Variants in TENM3 observed in about 807,000 individuals in gnomAD.
TENM3 encodes the protein teneurin-3.
Under a neutral mutation model 255.1 loss-of-function variants are expected in TENM3, and 63 were observed. The observed-to-expected ratio is 0.25, with a 90% confidence interval of 0.20 to 0.30. TENM3 has a LOEUF of 0.30. Ranked by LOEUF, TENM3 falls within the 10% of genes least tolerant of loss-of-function variation. TENM3 has a pLI of 1.00. For synonymous variants in TENM3, 1,306 were observed against 1,322.3 expected (o/e 0.99, Z 0.27); for missense variants, 2,929 against 3,461.1 (o/e 0.85, Z 3.86).
chr4:182,356,758 G>A (rs913705990), intron 3 of TENM3, among the ~76,000 whole-genome samples: 6 of 151,504 alleles, frequency 4.0e-5, no homozygotes, highest in African/African-American at 1.5e-4. Context: ...GGGTACATGT[G>A]CACAATGTGC....
the TENM3 span, among the ~76,000 whole-genome samples, chr4:181,702,625 C>A: frequency 6.6e-6 from 1 of 152,152 alleles, no homozygotes; most frequent in Non-Finnish European, 1.5e-5. Flanking sequence ...TCTGAAGAAG[C>A]ATTTTCACAA....
At chr4:181,544,226 TATA>T in the TENM3 span, among the ~76,000 whole-genome samples, 1 of 151,940 alleles carries the variant, frequency 6.6e-6, no homozygotes, top group Admixed American at 6.6e-5. Context: ...ATATCTATTC[TATA>T]ATAATAAATT....
chr4:182,245,865 T>A (rs1757605153), intron 1 of TENM3, among the ~76,000 whole-genome samples: 1 of 152,206 alleles, frequency 6.6e-6, no homozygotes, highest in South Asian at 2.1e-4. Context: ...CTTCAGTGAT[T>A]TTACAGATTT....
chr4:181,614,951 G>A, the TENM3 span, among the ~76,000 whole-genome samples: 1 of 152,130 alleles, frequency 6.6e-6, no homozygotes, highest in South Asian at 2.1e-4. Context: ...CTTGTAGAGT[G>A]AATCAGACTC....
At chr4:181,875,983 T>A in the TENM3 span, among the ~76,000 whole-genome samples, 1 of 152,246 alleles carries the variant, frequency 6.6e-6, no homozygotes, top group Non-Finnish European at 1.5e-5. Flanking sequence ...AAATGTGGTA[T>A]CTTTGGCCAT....
chr4:181,455,928 A>G, the TENM3 span, among the ~76,000 whole-genome samples: 179 of 152,046 alleles, frequency 1.2e-3, no homozygotes, highest in Non-Finnish European at 1.8e-3. Context: ...TTCTCACACT[A>G]CGGTGGGAAG....
chr4:182,244,518 G>A (rs1461307630), intron 1 of TENM3, among the ~76,000 whole-genome samples: 1 of 152,050 alleles, frequency 6.6e-6, no homozygotes, highest in Non-Finnish European at 1.5e-5. Context: ...CAGCCTCCAG[G>A]GTAGCTAATG....
At chr4:182,271,149 T>G (rs1392640947) in intron 1 of TENM3, among the ~76,000 whole-genome samples, 1 of 152,184 alleles carries the variant, frequency 6.6e-6, no homozygotes, top group East Asian at 1.9e-4. Flanking sequence ...TCTTGAGGGC[T>G]CTTAGTGTTT....
the TENM3 span, among the ~76,000 whole-genome samples, chr4:181,761,380 G>A: frequency 6.6e-6 from 1 of 151,998 alleles, no homozygotes; most frequent in Non-Finnish European, 1.5e-5. Flanking sequence ...CAGCTACTTA[G>A]GTCACTTATT....
chr4:182,527,482 T>C (rs1262915629), intron 3 of TENM3, among the ~76,000 whole-genome samples: 1 of 103,516 alleles, frequency 9.7e-6, no homozygotes, highest in Non-Finnish European at 2.4e-5. Flanking sequence ...GGAACTATTA[T>C]CTGTTGGTTT....
the TENM3 span, among the ~76,000 whole-genome samples, chr4:181,984,789 C>CGTGTGTGTGTGTGT: frequency 7.2e-6 from 1 of 138,496 alleles, no homozygotes; most frequent in African/African-American, 2.7e-5. Context: ...CTAAAAGAGT[C>CGTGTGTGTGTGTGT]GTGTGTGTGT....
chr4:181,801,881 G>C, the TENM3 span, among the ~76,000 whole-genome samples: 1 of 151,874 alleles, frequency 6.6e-6, no homozygotes, highest in Non-Finnish European at 1.5e-5. Flanking sequence ...TTAGAGGCAA[G>C]TCACCATTCT....
the TENM3 span, among the ~76,000 whole-genome samples, chr4:181,622,088 A>C: frequency 6.6e-6 from 1 of 152,214 alleles, no homozygotes; most frequent in Admixed American, 6.5e-5. Context: ...AATGTTAGAC[A>C]CAGGATTAAT....
chr4:181,992,809 C>T, the TENM3 span, among the ~76,000 whole-genome samples: 1 of 152,044 alleles, frequency 6.6e-6, no homozygotes, highest in Non-Finnish European at 1.5e-5. Flanking sequence ...GAAATGCAAA[C>T]CTGTTTTTTA....
In TENM3 at chr4:182,161,376, A is replaced by G. The variant is rs1470740555; in HGVS notation, c.-76+16622A>G. On this transcript the variant is annotated intron_variant, in intron 1 of 2. Coordinates refer to the TENM3 transcript ENST00000512480. ...GCTTGCAGTGAGCCGAGATCGCGCCACTGCACTCCAGCCTGGGCGACAGAG... is the reference window on the plus strand; with the variant it reads ...GCTTGCAGTGAGCCGAGATCGCGCCGCTGCACTCCAGCCTGGGCGACAGAG... Among the ~76,000 whole-genome samples, 7 of 112,642 alleles carry G rather than the reference A, an allele frequency of 6.2e-5. 2 individuals carry two copies. Among genetic ancestry groups the G allele is most frequent in the African/African-American group, 1.7e-4 (5 of 29,204 alleles). 73.9% of individuals were successfully genotyped at this position (112,642 alleles called of 152,430 possible).
chr4:181,744,726 G>A, the TENM3 span, among the ~76,000 whole-genome samples: 3 of 152,174 alleles, frequency 2.0e-5, no homozygotes, highest in African/African-American at 7.2e-5. Flanking sequence ...CATTCCAAAT[G>A]TATTTTGAAA....
At chr4:182,404,484 C>G (rs965719566) in intron 3 of TENM3, among the ~76,000 whole-genome samples, 1 of 152,192 alleles carries the variant, frequency 6.6e-6, no homozygotes, top group Non-Finnish European at 1.5e-5. Context: ...CACGATGTAA[C>G]TCTTTTTATG....
the TENM3 span, among the ~76,000 whole-genome samples, chr4:181,644,514 G>A: frequency 2.0e-5 from 3 of 151,724 alleles, no homozygotes; most frequent in African/African-American, 7.3e-5. Context: ...CCATGCTTCT[G>A]CAATCTTGTC....
chr4:182,402,663 A>T (rs1469603310), intron 3 of TENM3, among the ~76,000 whole-genome samples: 3 of 152,144 alleles, frequency 2.0e-5, no homozygotes, highest in Admixed American at 6.5e-5. Flanking sequence ...TTATGTGGGT[A>T]AAGCTTCCTG....
Sources: gnomAD v4.1 joint callset for allele counts (sites outside exome capture counted in the v4.1 genomes callset) on GRCh38, gnomAD v4.1.1 for gene constraint, MANE v1.5 for transcripts, NCBI Gene and HGNC (gene_info 2026-07-23, HGNC 2026-07-21) for gene names.